MYO15A: variants seen among roughly 807,000 people sequenced by gnomAD.
The protein encoded by MYO15A is unconventional myosin-XV.
Under a neutral mutation model 394.6 loss-of-function variants are expected in MYO15A, and 308 were observed. The observed-to-expected ratio is 0.78, with a 90% CI of 0.71 to 0.86. The LOEUF (loss-of-function observed/expected upper bound fraction) is 0.86, where lower values mean the gene tolerates loss of function less well. Among genes scored for constraint, MYO15A ranks in the 40% least tolerant of loss-of-function variants. The pLI is 0.00. For synonymous variants in MYO15A, 1,957 were observed against 2,003.8 expected (o/e 0.98, Z 0.62); for missense variants, 4,606 against 4,799.1 (o/e 0.96, Z 1.19).
chr17:18,143,816 G>C lies in MYO15A; in HGVS notation c.6046+20G>C, dbSNP rs897497518. On this transcript the variant is annotated intron_variant, in intron 27 of 65. Transcript: ENST00000647165. ...TGGCAGGTGGGTCAGCACCAGGCGG[G>C]GGGAGGGCCCAGGCAGATCAGAGCA... is the stretch of plus-strand genomic sequence containing the variant. The C allele has an allele frequency of 5.1e-6, 8 of 1,573,108 alleles. No individual in the cohort carries two copies. In the Admixed American group the frequency reaches 9.4e-5, roughly 18 times the overall value.
In MYO15A at chr17:18,157,005, C is replaced by A. The variant is rs749260458; in HGVS notation, c.8653C>A (p.Leu2885Met). ...VRNFLPEDPA[L>M]LAFHKGDIIH... ...GAACTTCCTGCCTGAGGACCCTGCG[C>A]TGCTGGCTTTCCACAAGGGTGACAT... is the stretch of plus-strand genomic sequence containing the variant. Residue 2885 changes from leucine (L) to methionine (M), a missense_variant, in exon 49 of 66, where the codon CTG becomes ATG. Physicochemically the swap from Leu to Met is conservative, Grantham distance 15. Transcript: ENST00000647165. 3.7e-6 allele frequency: 6 copies of A among 1,614,206 alleles called. No individual in the cohort carries two copies. The highest frequency in any genetic ancestry group is 5.1e-6 in the Non-Finnish European group (6 of 1,180,034).
chr17:18,163,201 C>T, intron 58 of MYO15A, 43 bp from the exon 59 acceptor site: 1 of 1,599,048 alleles, frequency 6.3e-7, no homozygotes, highest in South Asian at 1.1e-5. Flanking sequence ...GTCCCAGATC[C>T]TAGGACCCAA....
Position 18,120,750 on chromosome 17 carries a change from G to A in MYO15A, c.1950G>A (p.Ala650=). The stretch of plus-strand genomic sequence containing the variant: ...GCCGCCCGCCCGCGCCACAGCCCGC[G>A]CCCAGGACCCTCTCCCACTGGAGCG... ...DARRPPAPQP[A]PRTLSHWSAL... The change falls in exon 2 of 66, where the codon GCG becomes GCA. Residue 650 remains alanine (A), a synonymous_variant. Coordinates refer to ENST00000647165, the MANE Select transcript of MYO15A (RefSeq NM_016239.4). The A allele has an allele frequency of 2.1e-6, 3 of 1,456,242 alleles. No individual in the cohort carries two copies. The highest frequency in any genetic ancestry group is 1.8e-6 in the Non-Finnish European group (2 of 1,114,660). 90.2% of individuals were successfully genotyped at this position (1,456,242 alleles called of 1,614,324 possible). A position where few individuals can be genotyped will look rare whatever the true frequency, so the allele number is the denominator to read the frequency against.
At chr17:18,142,991 T>TGATA in intron 25 of MYO15A, 151 bp downstream of exon 25, 1 of 735,264 alleles carries the variant, frequency 1.4e-6, no homozygotes, top group East Asian at 2.7e-5. Flanking sequence ...CCATTGTCTA[T>TGATA]CCTCGATTTT....
chr17:18,161,656 G>A (rs1046170383), intron 57 of MYO15A, among the ~76,000 whole-genome samples: 1 of 152,224 alleles, frequency 6.6e-6, no homozygotes, highest in Non-Finnish European at 1.5e-5. Context: ...GGGTGGTCAG[G>A]GATGACTCCT....
intron 1 of MYO15A, among the ~76,000 whole-genome samples, chr17:18,113,362 G>A (rs369401380): frequency 6.6e-6 from 1 of 152,152 alleles, no homozygotes; most frequent in Non-Finnish European, 1.5e-5. Flanking sequence ...GCCTGGGCTA[G>A]TTTCAAACTC....
chr17:18,144,569 G>A lies in MYO15A; in HGVS notation c.6250G>A (p.Glu2084Lys), dbSNP rs1324047234. 2 of 1,612,922 alleles carry A rather than the reference G, an allele frequency of 1.2e-6. No individual in the cohort carries two copies. The highest frequency in any genetic ancestry group is 2.2e-5 in the East Asian group (1 of 44,868). Residue 2084 changes from glutamate to lysine, a missense_variant, in exon 29 of 66, where the codon GAA (glutamate) becomes AAA (lysine). This residue lies in a region of MYO15A where 2,776 missense variants were observed against 3,109.3 expected (regional missense o/e 0.89). Coordinates refer to ENST00000647165, the MANE Select transcript of MYO15A (RefSeq NM_016239.4). ...GCAGCTGCCAGCCGAGCACCATGCAGAAGCCGTGAGCATCTTCAAGCTGGT... is the reference window on the plus strand; with the variant it reads ...GCAGCTGCCAGCCGAGCACCATGCAAAAGCCGTGAGCATCTTCAAGCTGGT... ...LTQLPAEHHA[E>K]AVSIFKLILR...
chr17:18,122,647 T>G, intron 2 of MYO15A: 1 of 597,516 alleles, frequency 1.7e-6, no homozygotes, highest in Non-Finnish European at 2.8e-6. Flanking sequence ...TGCTTCCAGG[T>G]CACTCTGGGG....
chr17:18,131,111 C>G, intron 8 of MYO15A, 128 bp from the exon 9 acceptor site: 1 of 853,800 alleles, frequency 1.2e-6, no homozygotes, highest in East Asian at 2.6e-5. Context: ...GAGCCCACCT[C>G]TGGTCATCTC....
At chr17:18,156,387 C>A (rs1411468965) in intron 48 of MYO15A, 51 bp downstream of exon 48, 7 of 1,587,882 alleles carry the variant, frequency 4.4e-6, no homozygotes, top group South Asian at 1.1e-5. Context: ...GGGCCAGCAA[C>A]AGGGATCTCC....
intron 33 of MYO15A, 98 bp downstream of exon 33, chr17:18,149,050 A>G: frequency 6.7e-7 from 1 of 1,489,918 alleles, no homozygotes; most frequent in Non-Finnish European, 9.1e-7. Flanking sequence ...CTGCTGGGAC[A>G]GGCTGAGCCC....
chr17:18,148,796 C>T lies in MYO15A; in HGVS notation c.6800C>T (p.Ala2267Val). Reference sequence around the variant, plus strand: ...GATGGCTGGCGCGGCTGGACCGTGGCCATGAAGAATGGTGTCCAGTGGGCA... The same window carrying T: ...GATGGCTGGCGCGGCTGGACCGTGGTCATGAAGAATGGTGTCCAGTGGGCA... ...LADGWRGWTVAMKNGVQWAEL... is the reference protein window; with the variant it reads ...LADGWRGWTVVMKNGVQWAEL... Residue 2267 changes from alanine to valine, a missense_variant, in exon 33 of 66, where the codon GCC (alanine) becomes GTC (valine). This residue lies in a region of MYO15A where 2,776 missense variants were observed against 3,109.3 expected (regional missense o/e 0.89). Coordinates refer to ENST00000647165, the MANE Select transcript of MYO15A (RefSeq NM_016239.4). This position sits in a 1 kb window ranked among gnomAD's most constrained non-coding sequence, Gnocchi z 4.8. 1 of 1,604,462 alleles carries T rather than the reference C, an allele frequency of 6.2e-7. No homozygotes were observed. Among genetic ancestry groups the T allele is most frequent in the Non-Finnish European group, 8.5e-7 (1 of 1,175,410 alleles).
chr17:18,121,798 C>A lies in MYO15A; in HGVS notation c.2998C>A (p.Gln1000Lys), dbSNP rs765671886. 6.2e-7 allele frequency: 1 copy of A among 1,612,584 alleles called. No homozygotes were observed. Among genetic ancestry groups the A allele is most frequent in the African/African-American group, 1.3e-5 (1 of 74,916 alleles). ...LGRHHEPGPG[Q>K]LTKSAGPTPE... ...CAGACACCATGAGCCGGGGCCTGGACAGCTCACCAAATCAGCTGGCCCAAC... is the reference window on the plus strand; with the variant it reads ...CAGACACCATGAGCCGGGGCCTGGAAAGCTCACCAAATCAGCTGGCCCAAC... Residue 1000 changes from glutamine (Q) to lysine (K), a missense_variant, in exon 2 of 66, where the codon CAG becomes AAG. Gln to Lys is a moderately conservative substitution (Grantham distance 53). Transcript: ENST00000647165. The surrounding 1 kb of genome is among the most constrained non-coding windows in gnomAD (Gnocchi z 5.3).
chr17:18,152,632 G>C (rs1353817309), intron 42 of MYO15A, among the ~76,000 whole-genome samples: 2 of 151,910 alleles, frequency 1.3e-5, no homozygotes, highest in African/African-American at 2.4e-5. Context: ...AAAACCCTCT[G>C]ATGGCTCCTA....
rs746549270 is a variant in MYO15A, at chr17:18,141,089, G to A, written c.5477G>A (p.Arg1826Lys). 4.3e-6 allele frequency: 7 copies of A among 1,613,940 alleles called. No homozygotes were observed. Among genetic ancestry groups the A allele is most frequent in the African/African-American group, 2.7e-5 (2 of 74,934 alleles). ...TATTCAGGGGTGCTGGAGACCGTGA[G>A]GATCCGCAAGGAGGGATTTCCAGTG... The part of the protein sequence containing the change: ...LRYSGVLETV[R>K]IRKEGFPVRL... The change falls in exon 22 of 66, where the codon AGG (arginine) becomes AAG (lysine). Residue 1826 changes from arginine (R) to lysine (K), a missense_variant. Arg to Lys is a conservative substitution (Grantham distance 26). Transcript: ENST00000647165.
At position 18,157,062 on chromosome 17, in the gene MYO15A, G is replaced by A; in HGVS notation, c.8710G>A (p.Val2904Met). 2 of 1,614,054 alleles carry A rather than the reference G, an allele frequency of 1.2e-6. No homozygotes were observed. The highest frequency in any genetic ancestry group is 1.7e-6 in the Non-Finnish European group (2 of 1,180,016). Residue 2904 changes from valine (V) to methionine (M), a missense_variant, in exon 49 of 66, where the codon GTG becomes ATG. Physicochemically the swap from Val to Met is conservative, Grantham distance 21. Coordinates refer to ENST00000647165, the MANE Select transcript of MYO15A (RefSeq NM_016239.4). ...IHLQPLEPPR[V>M]GYSAGCVVRR... Reference sequence around the variant, plus strand: ...CCTGCAGCCCCTAGAGCCACCTCGAGTGGGTCAGTGCCACTGGGGTGGGCT... The same window carrying A: ...CCTGCAGCCCCTAGAGCCACCTCGAATGGGTCAGTGCCACTGGGGTGGGCT...
chr17:18,153,725 T>C lies in MYO15A; in HGVS notation c.7967-50T>C. 1 of 1,571,812 alleles carries C rather than the reference T, an allele frequency of 6.4e-7. No homozygotes were observed. Among genetic ancestry groups the C allele is most frequent in the Non-Finnish European group, 8.6e-7 (1 of 1,162,056 alleles). On this transcript the variant is annotated intron_variant, in intron 42 of 65. Coordinates refer to ENST00000647165, the MANE Select transcript of MYO15A (RefSeq NM_016239.4). The surrounding 1 kb of genome is among the most constrained non-coding windows in gnomAD (Gnocchi z 4.1). ...AAAATATATATATATATTAATTAAA[T>C]AAAAAAACGAGGTGCCTTCTCCTGA...
At chr17:18,113,983 C>T (rs1021261014) in intron 1 of MYO15A, among the ~76,000 whole-genome samples, 4 of 152,108 alleles carry the variant, frequency 2.6e-5, no homozygotes, top group Non-Finnish European at 5.9e-5. Flanking sequence ...GTGTTGTGTT[C>T]CATCCTGGAA....
At chr17:18,166,266 G>A (rs560134664) in intron 60 of MYO15A, 95 bp from the exon 61 acceptor site, 137 of 1,522,440 alleles carry the variant, frequency 9.0e-5, no homozygotes, top group Admixed American at 1.4e-4. Flanking sequence ...CCTCACCTGG[G>A]TAGCAGATTG....
Sources: allele counts gnomAD v4.1 joint callset (sites outside exome capture counted in the v4.1 genomes callset), GRCh38; gene constraint gnomAD v4.1.1; regional missense constraint gnomAD v4.1.1; non-coding constraint Gnocchi (gnomAD v3.1); transcripts MANE v1.5; gene names NCBI Gene and HGNC (gene_info 2026-07-23, HGNC 2026-07-21).